ADCY3: variants seen among roughly 807,000 people sequenced by gnomAD.
ADCY3 encodes the protein adenylate cyclase 3, also known as adenylate cyclase type 3.
A neutral mutation model predicts 119.4 loss-of-function variants in ADCY3; 70 were observed. The observed-to-expected ratio is 0.59, with a 90% CI of 0.48 to 0.72. The LOEUF (loss-of-function observed/expected upper bound fraction) is 0.72. Ranked by LOEUF, ADCY3 falls within the 30% of genes least tolerant of loss-of-function variation. The pLI, the probability that ADCY3 is intolerant of heterozygous loss-of-function variation, is 0.00. For missense variants in ADCY3, 1,238 were observed against 1,541.6 expected (o/e 0.80, Z 3.30); for synonymous variants, 672 against 621.4 (o/e 1.08, Z -1.21).
At chr2:24,901,606 C>T (rs969343929) in intron 2 of ADCY3, among the ~76,000 whole-genome samples, 1 of 151,934 alleles carries the variant, frequency 6.6e-6, no homozygotes, top group South Asian at 2.1e-4. Context: ...ATTCTTACTC[C>T]ACTTTAAGGA....
rs1410800177 is a variant in ADCY3, at chr2:24,834,120, G to A, written c.1967+365C>T. On this transcript the variant is annotated intron_variant, in intron 11 of 21. Transcript: ENST00000679454. The surrounding 1 kb of genome is among the most constrained non-coding windows in gnomAD (Gnocchi z 4.2). The stretch of plus-strand genomic sequence containing the variant: ...TTTACCAAGATGAGCCAAGAGAGGG[G>A]CCAGGTCAGCCTTGGTGACTGAGAC... 6.6e-6 allele frequency among the ~76,000 whole-genome samples: 1 copy of A among 152,208 alleles called. No homozygotes were observed. Among genetic ancestry groups the A allele is most frequent in the Non-Finnish European group, 1.5e-5 (1 of 68,030 alleles).
chr2:24,831,417 G>A (rs1006958092), intron 12 of ADCY3, among the ~76,000 whole-genome samples: 3 of 152,162 alleles, frequency 2.0e-5, no homozygotes, highest in Non-Finnish European at 4.4e-5. Context: ...GCAGCGCCAC[G>A]GCCCAACAAG....
Position 24,853,595 on chromosome 2 carries a change from G to A in ADCY3, c.826-11211C>T, listed in dbSNP as rs1016048591. Among the ~76,000 whole-genome samples, 53 of 149,008 alleles carry A rather than the reference G, an allele frequency of 3.6e-4. 1 individual carries two copies. Among genetic ancestry groups the A allele is most frequent in the African/African-American group, 9.9e-4 (40 of 40,444 alleles). ...AGTGATTCTCCTGCCTCAGCCTCCC[G>A]AGTAGGTGGGACTGCAGGTGCACAC... On this transcript the variant is annotated intron_variant, in intron 3 of 21. Coordinates refer to ENST00000679454, the MANE Select transcript of ADCY3 (RefSeq NM_004036.5).
intron 2 of ADCY3, among the ~76,000 whole-genome samples, chr2:24,887,168 G>A (rs1677127528): frequency 6.6e-6 from 1 of 152,182 alleles, no homozygotes; most frequent in African/African-American, 2.4e-5. Flanking sequence ...CCTTCACAAA[G>A]CAGCAGGAAG....
intron 2 of ADCY3, among the ~76,000 whole-genome samples, chr2:24,905,184 A>G (rs1679328275): frequency 6.7e-6 from 1 of 148,980 alleles, no homozygotes; most frequent in African/African-American, 2.5e-5. Flanking sequence ...CCCAGGCTGG[A>G]GTGCAGTGGC....
chr2:24,833,483 A>G (rs984766105), intron 11 of ADCY3, among the ~76,000 whole-genome samples: 2 of 152,092 alleles, frequency 1.3e-5, no homozygotes, highest in African/African-American at 4.8e-5. Flanking sequence ...CAAAATGCAA[A>G]CAAAACAAAA....
chr2:24,914,636 T>C (rs1002591506), intron 2 of ADCY3, among the ~76,000 whole-genome samples: 2 of 149,072 alleles, frequency 1.3e-5, no homozygotes, highest in African/African-American at 5.0e-5. Context: ...GACTGTGCCA[T>C]TGCACTCCAG....
At chr2:24,843,532 C>G (rs1276184215) in intron 3 of ADCY3, among the ~76,000 whole-genome samples, 1 of 152,250 alleles carries the variant, frequency 6.6e-6, no homozygotes, top group Admixed American at 6.5e-5. Context: ...GATATATTGT[C>G]TCTGGCTGTT....
At chr2:24,870,172 T>A (rs1572942527) in intron 3 of ADCY3, among the ~76,000 whole-genome samples, 1 of 135,786 alleles carries the variant, frequency 7.4e-6, no homozygotes. Context: ...AAAAAAAAAA[T>A]TAGCCAGGTG....
At chr2:24,822,869 C>T (rs538106284) in intron 18 of ADCY3, among the ~76,000 whole-genome samples, 6 of 152,270 alleles carry the variant, frequency 3.9e-5, no homozygotes, top group South Asian at 4.1e-4. Context: ...AGGGGGGCTC[C>T]GCGCGTGTGT....
At position 24,838,475 on chromosome 2, in the gene ADCY3, T is replaced by G. The variant is rs200858241; in HGVS notation, c.1503A>C (p.Lys501Asn). The G allele has an allele frequency of 1.1e-4, 180 of 1,613,712 alleles. No individual in the cohort carries two copies. The East Asian group carries it at 4.0e-3, about 36-fold the overall frequency. ...LIIASKPEVKKTATQNGLNGS... is the reference protein window; with the variant it reads ...LIIASKPEVKNTATQNGLNGS... ...CATTGAGGCCATTCTGGGTGGCTGT[T>G]TTCTTCACCTCTGGCTTGGAGGCAA... The change falls in exon 8 of 22, where the codon AAA (lysine) becomes AAC (asparagine). Residue 501 changes from lysine to asparagine, a missense_variant. Lys to Asn is a moderately conservative substitution (Grantham distance 94, BLOSUM62 0). Around this residue, in one of 7 missense-constraint regions of ADCY3, gnomAD observed 283 missense variants for 437.2 expected, o/e 0.65. Coordinates refer to ENST00000679454, the MANE Select transcript of ADCY3 (RefSeq NM_004036.5).
At chr2:24,859,040 G>A (rs1028345830) in intron 3 of ADCY3, among the ~76,000 whole-genome samples, 1 of 152,228 alleles carries the variant, frequency 6.6e-6, no homozygotes. Context: ...TGCCTACTTC[G>A]CATTATGGGG....
intron 9 of ADCY3, 148 bp from the exon 10 acceptor site, chr2:24,835,084 G>A: frequency 1.8e-6 from 2 of 1,125,738 alleles, no homozygotes; most frequent in Non-Finnish European, 2.5e-6. Context: ...TTTCCGGGAA[G>A]TCTTCCCCAT....
In ADCY3 at chr2:24,825,235, G is replaced by A. The variant is rs986967288; in HGVS notation, c.2578-699C>T. Among the ~76,000 whole-genome samples the A allele has an allele frequency of 1.4e-3, 217 of 151,902 alleles. 1 individual carries two copies. Among genetic ancestry groups the A allele is most frequent in the African/African-American group, 5.1e-3 (210 of 41,382 alleles). Reference sequence around the variant, plus strand: ...TACTTCCCTGGAAAGCCAGTAGGGGGCACTTGAACTAACATTGGGCCCTAA... The same window carrying A: ...TACTTCCCTGGAAAGCCAGTAGGGGACACTTGAACTAACATTGGGCCCTAA... On this transcript the variant is annotated intron_variant, in intron 16 of 21. Coordinates refer to ENST00000679454, the MANE Select transcript of ADCY3 (RefSeq NM_004036.5).
rs535977696 is a variant in ADCY3 at position 24,874,343 on chromosome 2, G to A, written c.676-1624C>T. Among the ~76,000 whole-genome samples, 7 of 152,298 alleles carry A rather than the reference G, an allele frequency of 4.6e-5. No individual in the cohort carries two copies. The East Asian group carries it at 5.8e-4, about 13-fold the overall frequency. ...CTGAGCAGCCCCAGTCGCCTACCCCGTTTGTGGGGCAAGTCTGTTGGGGCA... is the reference window on the plus strand; with the variant it reads ...CTGAGCAGCCCCAGTCGCCTACCCCATTTGTGGGGCAAGTCTGTTGGGGCA... On this transcript the variant is annotated intron_variant, in intron 2 of 21. Coordinates refer to ENST00000679454, the MANE Select transcript of ADCY3 (RefSeq NM_004036.5).
At position 24,899,192 on chromosome 2, in the gene ADCY3, T is replaced by C. The variant is rs559292097; in HGVS notation, c.675+19121A>G. The stretch of plus-strand genomic sequence containing the variant: ...GCTGACCCACAGAGGCCCAGGGAGG[T>C]CAGCTGCGCTGCCCAGGGCCCCAGG... On this transcript the variant is annotated intron_variant, in intron 2 of 21. Transcript: ENST00000679454. The surrounding 1 kb of genome is among the most constrained non-coding windows in gnomAD (Gnocchi z 4.5). Among the ~76,000 whole-genome samples, 7 of 151,996 alleles carry C rather than the reference T, an allele frequency of 4.6e-5. No individual in the cohort carries two copies. The highest frequency in any genetic ancestry group is 8.8e-5 in the Non-Finnish European group (6 of 67,952).
chr2:24,886,153 C>A (rs1676996326), intron 2 of ADCY3, among the ~76,000 whole-genome samples: 1 of 152,236 alleles, frequency 6.6e-6, no homozygotes, highest in South Asian at 2.1e-4. Flanking sequence ...CGACATCTGT[C>A]CCAGTCCCCA....
At chr2:24,826,021 G>A (rs200802595) in intron 16 of ADCY3, 24 bp downstream of exon 16, 114 of 1,610,120 alleles carry the variant, frequency 7.1e-5, no homozygotes, top group Admixed American at 3.5e-4. Context: ...GGCACAGAGC[G>A]GGGATCGTGC....
intron 2 of ADCY3, among the ~76,000 whole-genome samples, chr2:24,914,304 G>A (rs562715874): frequency 7.7e-4 from 117 of 152,274 alleles, no homozygotes; most frequent in Non-Finnish European, 8.8e-5. Context: ...GGGAGTCAAC[G>A]CCTGGGCTCC....
Sources: allele counts gnomAD v4.1 joint callset (sites outside exome capture counted in the v4.1 genomes callset), GRCh38; gene constraint gnomAD v4.1.1; regional missense constraint gnomAD v4.1.1; non-coding constraint Gnocchi (gnomAD v3.1); transcripts MANE v1.5; gene names NCBI Gene and HGNC (gene_info 2026-07-23, HGNC 2026-07-21).